Variants in UNC5D observed in about 807,000 individuals in gnomAD.
The protein encoded by UNC5D is unc-5 netrin receptor D.
Under a neutral mutation model 105.4 loss-of-function variants are expected in UNC5D, and 39 were observed. The observed-to-expected ratio is 0.37, with a 90% CI of 0.29 to 0.48. The LOEUF (loss-of-function observed/expected upper bound fraction) is 0.48, where lower values mean the gene tolerates loss of function less well. UNC5D is among the 20% of genes least tolerant of loss of function. The pLI is 0.98. For synonymous variants in UNC5D, 452 were observed against 450.4 expected (o/e 1.00, Z -0.04); for missense variants, 991 against 1,202.4 (o/e 0.82, Z 2.60).
At chr8:35,504,254 T>A (rs945488450) in intron 1 of UNC5D, among the ~76,000 whole-genome samples, 1 of 152,216 alleles carries the variant, frequency 6.6e-6, no homozygotes, top group South Asian at 2.1e-4. Flanking sequence ...CCGTGTGACC[T>A]TAGGCAAGCT....
chr8:35,403,192 C>G (rs78805799), intron 1 of UNC5D, among the ~76,000 whole-genome samples: 18,825 of 152,222 alleles, frequency 0.12, 1,754 homozygotes, highest in East Asian at 0.35. Context: ...TTACCTTTTG[C>G]TAAAGCTTGT....
At chr8:35,626,602 C>T (rs990654314) in intron 4 of UNC5D, among the ~76,000 whole-genome samples, 2 of 152,174 alleles carry the variant, frequency 1.3e-5, no homozygotes, top group Admixed American at 6.5e-5. Flanking sequence ...GATACGAGTG[C>T]TTGAAAATGA....
chr8:35,545,017 C>T (rs1227010966), intron 1 of UNC5D, among the ~76,000 whole-genome samples: 1 of 152,180 alleles, frequency 6.6e-6, no homozygotes, highest in Non-Finnish European at 1.5e-5. Context: ...TCATCAGAGT[C>T]TGTGATTTTT....
At chr8:35,467,011 G>A (rs947814576) in intron 1 of UNC5D, among the ~76,000 whole-genome samples, 5 of 152,138 alleles carry the variant, frequency 3.3e-5, no homozygotes, top group Non-Finnish European at 7.4e-5. Flanking sequence ...TAAAGTCTAG[G>A]ATGCTGTCTC....
intron 1 of UNC5D, among the ~76,000 whole-genome samples, chr8:35,470,426 G>GGGGAA (rs1233142893): frequency 2.0e-5 from 3 of 151,998 alleles, no homozygotes; most frequent in African/African-American, 7.2e-5. Flanking sequence ...TGGTCTAGCA[G>GGGGAA]GGGAAGGAAG....
At chr8:35,510,332 A>C (rs945055791) in intron 1 of UNC5D, among the ~76,000 whole-genome samples, 21 of 143,792 alleles carry the variant, frequency 1.5e-4, no homozygotes, top group African/African-American at 2.5e-4. Context: ...AAAAAAAAAA[A>C]CACTTTGGAG....
rs553785137 is a variant in UNC5D, at chr8:35,364,228, T to TAAAG, written c.103+128342_103+128343insAAGA. Reference sequence around the variant, plus strand: ...TATTCTTTCTATATTTGTCACTTGGTACTCTATGGTAAAGACATGCTTTCT... The same window carrying TAAAG: ...TATTCTTTCTATATTTGTCACTTGGTAAAGACTCTATGGTAAAGACATGCTTTCT... On this transcript the variant is annotated intron_variant, in intron 1 of 16. Transcript: ENST00000404895. Among the ~76,000 whole-genome samples, 23 of 149,360 alleles carry TAAAG rather than the reference T, an allele frequency of 1.5e-4. 1 individual carries two copies. The South Asian group carries it at 5.0e-3, about 32-fold the overall frequency.
intron 1 of UNC5D, among the ~76,000 whole-genome samples, chr8:35,470,620 A>T (rs1809641130): frequency 8.8e-6 from 1 of 113,582 alleles, no homozygotes; most frequent in African/African-American, 3.1e-5. Context: ...AAAAAAAAAA[A>T]ATTACCTAGG....
intron 4 of UNC5D, among the ~76,000 whole-genome samples, chr8:35,676,524 C>A (rs560505898): frequency 6.6e-6 from 1 of 152,134 alleles, no homozygotes; most frequent in Non-Finnish European, 1.5e-5. Context: ...ATTTATTGAT[C>A]CCATAATGCT....
chr8:35,726,277 C>G lies in UNC5D; in HGVS notation c.1429C>G (p.Pro477Ala), dbSNP rs779527364. The change falls in exon 10 of 17, where the codon CCT becomes GCT. Residue 477 changes from proline (P) to alanine (A), a missense_variant. Transcript: ENST00000404895. ...CATGACAGAGTCCTCACTCTTTAAC[C>G]CTTTGTCGGACATCAAAGTGAAAGT... ...ELMTESSLFN[P>A]LSDIKVKVQS... 1 of 1,614,104 alleles carries G rather than the reference C, an allele frequency of 6.2e-7. No homozygotes were observed. Among genetic ancestry groups the G allele is most frequent in the African/African-American group, 1.3e-5 (1 of 75,044 alleles).
chr8:35,303,302 A>G (rs1406221196), intron 1 of UNC5D, among the ~76,000 whole-genome samples: 1 of 152,124 alleles, frequency 6.6e-6, no homozygotes, highest in African/African-American at 2.4e-5. Context: ...AAGTTTTTCC[A>G]ATAATTAAAG....
At chr8:35,589,393 G>A (rs566871473) in intron 3 of UNC5D, among the ~76,000 whole-genome samples, 32 of 149,716 alleles carry the variant, frequency 2.1e-4, no homozygotes, top group Admixed American at 1.7e-3. Flanking sequence ...CCATTTTTCT[G>A]TGGAGCTCTC....
intron 15 of UNC5D, among the ~76,000 whole-genome samples, chr8:35,770,880 C>T (rs188886869): frequency 2.5e-3 from 388 of 152,298 alleles, no homozygotes; most frequent in African/African-American, 8.8e-3. Context: ...TGATTTACAA[C>T]TCCCTTAGCT....
At chr8:35,442,936 A>ACACAAC in intron 1 of UNC5D, among the ~76,000 whole-genome samples, 1 of 135,282 alleles carries the variant, frequency 7.4e-6, no homozygotes, top group African/African-American at 2.8e-5. Flanking sequence ...ACACACACAC[A>ACACAAC]ACACACACAC....
chr8:35,535,068 A>G lies in UNC5D; in HGVS notation c.104-14224A>G, dbSNP rs190580366. ...CTTTTAATTTCAAAACCTGTACAGT[A>G]GTAATACAGGTCATTACCCATCTCC... On this transcript the variant is annotated intron_variant, in intron 1 of 16. Coordinates refer to ENST00000404895, the MANE Select transcript of UNC5D (RefSeq NM_080872.4). Among the ~76,000 whole-genome samples, 135 of 152,290 alleles carry G rather than the reference A, an allele frequency of 8.9e-4. 1 individual carries two copies. Among genetic ancestry groups the G allele is most frequent in the Non-Finnish European group, 1.5e-4 (10 of 68,026 alleles).
At chr8:35,410,805 C>A (rs1563390956) in intron 1 of UNC5D, among the ~76,000 whole-genome samples, 1 of 152,016 alleles carries the variant, frequency 6.6e-6, no homozygotes, top group Admixed American at 6.6e-5. Flanking sequence ...CGTGGAGCCC[C>A]CATCTTCTGA....
At chr8:35,319,346 T>A (rs1416287138) in intron 1 of UNC5D, among the ~76,000 whole-genome samples, 7 of 152,268 alleles carry the variant, frequency 4.6e-5, no homozygotes, top group Non-Finnish European at 7.4e-5. Flanking sequence ...TTGTTAGAAA[T>A]AGACCACATT....
chr8:35,500,323 T>C (rs1451839190), intron 1 of UNC5D, among the ~76,000 whole-genome samples: 1 of 152,170 alleles, frequency 6.6e-6, no homozygotes, highest in African/African-American at 2.4e-5. Flanking sequence ...CTTGCTTTTA[T>C]AGTAAAGCCA....
chr8:35,373,897 A>G (rs1200112242), intron 1 of UNC5D, among the ~76,000 whole-genome samples: 5 of 152,200 alleles, frequency 3.3e-5, no homozygotes, highest in Non-Finnish European at 7.3e-5. Context: ...CTGAAGATCA[A>G]ACTGATCTTT....
Sources: allele counts gnomAD v4.1 joint callset (sites outside exome capture counted in the v4.1 genomes callset), GRCh38; gene constraint gnomAD v4.1.1; transcripts MANE v1.5; gene names NCBI Gene and HGNC (gene_info 2026-07-23, HGNC 2026-07-21).